MTMR12: variants seen among roughly 807,000 people sequenced by gnomAD.
The protein encoded by MTMR12 is myotubularin-related protein 12.
In MTMR12, 33 loss-of-function variants were observed where a neutral mutation model predicts 96.7. That is an observed-to-expected ratio of 0.34 (90% confidence interval 0.26 to 0.46). The LOEUF (loss-of-function observed/expected upper bound fraction) is 0.46, where lower values mean the gene tolerates loss of function less well. Among genes scored for constraint, MTMR12 ranks in the 20% least tolerant of loss-of-function variants. MTMR12 has a pLI of 1.00. For missense variants in MTMR12, 721 were observed against 896.1 expected (o/e 0.80, Z 2.49); for synonymous variants, 298 against 327.2 (o/e 0.91, Z 0.96).
chr5:32,292,883 A>C (rs1347497980), intron 1 of MTMR12, among the ~76,000 whole-genome samples: 1 of 152,208 alleles, frequency 6.6e-6, no homozygotes. Flanking sequence ...TGAGAACTGT[A>C]ATTGTCATGA....
intron 7 of MTMR12, among the ~76,000 whole-genome samples, chr5:32,260,126 G>A (rs1233693338): frequency 6.6e-6 from 1 of 151,382 alleles, no homozygotes; most frequent in Non-Finnish European, 1.5e-5. Context: ...AAGCAAAAAG[G>A]ACTTCCAGAC....
intron 15 of MTMR12, chr5:32,232,990 T>A: frequency 2.0e-6 from 2 of 985,280 alleles, no homozygotes; most frequent in Non-Finnish European, 2.4e-6. Flanking sequence ...GTGGACTCTG[T>A]GGGGGAGAAA....
intron 1 of MTMR12, among the ~76,000 whole-genome samples, chr5:32,285,630 C>A (rs1350139744): frequency 2.0e-5 from 3 of 152,216 alleles, no homozygotes; most frequent in Admixed American, 1.3e-4. Flanking sequence ...CTGGATCCCA[C>A]TGCGAGTATC....
chr5:32,235,370 A>G (rs1581587667), intron 13 of MTMR12, among the ~76,000 whole-genome samples: 1 of 152,370 alleles, frequency 6.6e-6, no homozygotes, highest in African/African-American at 2.4e-5. Context: ...TAAAAACCTC[A>G]TTATGGATCA....
At position 32,271,842 on chromosome 5, in the gene MTMR12, T is replaced by C; in HGVS notation, c.349A>G (p.Ile117Val). The change falls in exon 4 of 16, where the codon ATT becomes GTT. Residue 117 changes from isoleucine (I) to valine (V), a missense_variant. Coordinates refer to ENST00000382142, the MANE Select transcript of MTMR12 (RefSeq NM_001040446.3). ...NDITLHCVDQIYGVFDEKKKT... is the reference protein window; with the variant it reads ...NDITLHCVDQVYGVFDEKKKT... ...AAAAACAGATACTTACCTCCATAAA[T>C]CTGATCAACACAGTGGAGTGTAATG... The C allele has an allele frequency of 6.4e-7, 1 of 1,573,506 alleles. No individual in the cohort carries two copies. Among genetic ancestry groups the C allele is most frequent in the Non-Finnish European group, 8.7e-7 (1 of 1,153,138 alleles).
rs1748100997 is a variant in MTMR12 at position 32,233,812 on chromosome 5, T to C, written c.1635A>G (p.Pro545=). The change falls in exon 15 of 16, where the codon CCA becomes CCG. Residue 545 remains proline (P), a synonymous_variant. Transcript: ENST00000382142. This position sits in a 1 kb window ranked among gnomAD's most constrained non-coding sequence, Gnocchi z 5.0. ...CTTTCCGTTGGCCTTTGTCCAGTTT[T>C]GGCTTTTCCACATAAAGAGGGTTTT... The part of the protein sequence containing the change: ...LLKNPLYVEK[P]KLDKGQRKGM... 1 of 1,614,228 alleles carries C rather than the reference T, an allele frequency of 6.2e-7. No homozygotes were observed. Among genetic ancestry groups the C allele is most frequent in the Non-Finnish European group, 8.5e-7 (1 of 1,180,036 alleles).
chr5:32,233,690 A>T lies in MTMR12; in HGVS notation c.1674+83T>A. 1 of 1,578,540 alleles carries T rather than the reference A, an allele frequency of 6.3e-7. No homozygotes were observed. Among genetic ancestry groups the T allele is most frequent in the South Asian group, 1.2e-5 (1 of 86,912 alleles). On this transcript the variant is annotated intron_variant, in intron 15 of 15. Transcript: ENST00000382142. This position sits in a 1 kb window ranked among gnomAD's most constrained non-coding sequence, Gnocchi z 5.0. Reference sequence around the variant, plus strand: ...GCTTCGAGGGGTAGAAAATGCTGGCAGACAGAATCCGTAAGTACCTTTTAT... The same window carrying T: ...GCTTCGAGGGGTAGAAAATGCTGGCTGACAGAATCCGTAAGTACCTTTTAT...
chr5:32,276,879 T>A (rs1750074815), intron 1 of MTMR12, 137 bp from the exon 2 acceptor site: 14 of 178,132 alleles, frequency 7.9e-5, no homozygotes, highest in Admixed American at 3.2e-4. Flanking sequence ...GCTACTTTTT[T>A]TTTTTTTTTT....
intron 1 of MTMR12, among the ~76,000 whole-genome samples, chr5:32,280,957 G>T (rs1750268509): frequency 6.6e-6 from 1 of 151,884 alleles, no homozygotes; most frequent in Non-Finnish European, 1.5e-5. Context: ...AATTATTCAA[G>T]AATCTCTCGG....
chr5:32,282,464 TA>T (rs1177391471), intron 1 of MTMR12, among the ~76,000 whole-genome samples: 4 of 146,838 alleles, frequency 2.7e-5, no homozygotes, highest in Non-Finnish European at 6.0e-5. Context: ...AATAAATAAA[TA>T]AAATAAAAAA....
intron 1 of MTMR12, 75 bp from the exon 2 acceptor site, chr5:32,276,817 AAT>A (rs1180223180): frequency 8.6e-7 from 1 of 1,157,246 alleles, no homozygotes; most frequent in East Asian, 2.5e-5. Flanking sequence ...ATGCTTTCAG[AAT>A]ACACACTAAA....
rs928981142 is a variant in MTMR12 at position 32,238,212 on chromosome 5, CTTTA to C, written c.1344+785_1344+788del. 2.5e-4 allele frequency among the ~76,000 whole-genome samples: 35 copies of C among 141,118 alleles called. 1 individual carries two copies. The East Asian group carries it at 4.0e-3, about 16-fold the overall frequency. The allele number at this position is 141,118 out of a possible 152,430, so 92.6% of individuals were successfully genotyped here. A position where few individuals can be genotyped will look rare whatever the true frequency, so the allele number is the denominator to read the frequency against. Reference sequence around the variant, plus strand: ...AATCATTCAGTTCCAAAATCTAAAACTTTATTTATTTTGAGATAGGGTCTCACTG... The same window carrying C: ...AATCATTCAGTTCCAAAATCTAAAACTTTATTTTGAGATAGGGTCTCACTG... On this transcript the variant is annotated intron_variant, in intron 13 of 15. Transcript: ENST00000382142.
Position 32,229,673 on chromosome 5 carries a change from G to T in MTMR12, c.*105C>A. ...AGGCCCAGGTTTATTCTAACGGAGT[G>T]CCGGGCTAAGGACCCAGCCAGCATG... On this transcript the variant is annotated 3_prime_UTR_variant, in exon 16 of 16. Coordinates refer to ENST00000382142, the MANE Select transcript of MTMR12 (RefSeq NM_001040446.3). The T allele has an allele frequency of 1.8e-6, 2 of 1,109,294 alleles. No individual in the cohort carries two copies. Among genetic ancestry groups the T allele is most frequent in the Non-Finnish European group, 2.4e-6 (2 of 818,310 alleles). 68.7% of individuals were successfully genotyped at this position (1,109,294 alleles called of 1,614,324 possible).
At chr5:32,258,762 C>CTCCT (rs1749237907) in intron 7 of MTMR12, among the ~76,000 whole-genome samples, 1 of 152,156 alleles carries the variant, frequency 6.6e-6, no homozygotes, top group African/African-American at 2.4e-5. Flanking sequence ...AGATCCTGAG[C>CTCCT]TCCTTCCTCA....
At chr5:32,234,352 G>A (rs1178211033) in intron 14 of MTMR12, among the ~76,000 whole-genome samples, 2 of 152,168 alleles carry the variant, frequency 1.3e-5, no homozygotes, top group Non-Finnish European at 1.5e-5. Context: ...CTCAAGCAAA[G>A]CCTGTAGCCC....
chr5:32,311,458 G>A (rs1751593148), intron 1 of MTMR12, among the ~76,000 whole-genome samples: 2 of 152,150 alleles, frequency 1.3e-5, no homozygotes, highest in African/African-American at 2.4e-5. Flanking sequence ...TCAGGCCCCA[G>A]GTGGTCTTTA....
chr5:32,299,018 C>A (rs1309616137), intron 1 of MTMR12, among the ~76,000 whole-genome samples: 1 of 151,216 alleles, frequency 6.6e-6, no homozygotes, highest in African/African-American at 2.4e-5. Flanking sequence ...ACAATCAGGA[C>A]CTGCACTGGT....
At chr5:32,299,127 G>T (rs1402311078) in intron 1 of MTMR12, among the ~76,000 whole-genome samples, 2 of 152,026 alleles carry the variant, frequency 1.3e-5, no homozygotes, top group East Asian at 1.9e-4. Context: ...GGGTGGTGAG[G>T]AATAATAGCA....
At chr5:32,261,330 C>G (rs1396949738) in intron 7 of MTMR12, among the ~76,000 whole-genome samples, 1 of 152,140 alleles carries the variant, frequency 6.6e-6, no homozygotes, top group Non-Finnish European at 1.5e-5. Context: ...CCACTCCTCT[C>G]CCTAGCTTGC....
Sources: allele counts gnomAD v4.1 joint callset (sites outside exome capture counted in the v4.1 genomes callset), GRCh38; gene constraint gnomAD v4.1.1; non-coding constraint Gnocchi (gnomAD v3.1); transcripts MANE v1.5; gene names NCBI Gene and HGNC (gene_info 2026-07-23, HGNC 2026-07-21).